The following PLAGL1 variants were observed in gnomAD, a reference collection of about 807,000 sequenced individuals.
PLAGL1 encodes PLAG1 like zinc finger 1, also known as zinc finger protein PLAGL1.
Under a neutral mutation model 4.6 loss-of-function variants are expected in PLAGL1, and 1 was observed. The observed-to-expected ratio is 0.22, with a 90% CI of 0.08 to 1.03. The LOEUF (loss-of-function observed/expected upper bound fraction) is 1.03. PLAGL1 is among the 50% of genes least tolerant of loss of function. The probability of loss-of-function intolerance (pLI) is 0.58; values close to 1 mark genes in which losing one functional copy is unlikely to be tolerated. For missense variants in PLAGL1, 464 were observed against 570.4 expected, an observed-to-expected ratio of 0.81 and a Z score of 1.90; for synonymous variants, 240 against 237.8, an observed-to-expected ratio of 1.01 and a Z score of -0.08.
chr6:143,959,429 A>C lies in PLAGL1; in HGVS notation c.-325+1040T>G. Among the ~76,000 whole-genome samples, 1 of 151,534 alleles carries C rather than the reference A, an allele frequency of 6.6e-6. No homozygotes were observed. On this transcript the variant is annotated intron_variant, in intron 6 of 7. Coordinates refer to ENST00000674357, the MANE Select transcript of PLAGL1 (RefSeq NM_001317162.2). The surrounding 1 kb of genome is among the most constrained non-coding windows in gnomAD (Gnocchi z 5.3). ...GAAGATACAGGCAAGACGCTCCCCC[A>C]CCCCACCCCAACTCCCAGCCCTAAC...
rs1184141917 is a variant in PLAGL1, at chr6:144,056,092, A to G, written c.-151+8376T>C. Reference sequence around the variant, plus strand: ...TCATCCCTTTCTCCATCCCACCCCCACCTCTGAAGAAATCTAGACCTCCAA... The same window carrying G: ...TCATCCCTTTCTCCATCCCACCCCCGCCTCTGAAGAAATCTAGACCTCCAA... On this transcript the variant is annotated intron_variant, in intron 1 of 3. Transcript: ENST00000437412. This position sits in a 1 kb window ranked among gnomAD's most constrained non-coding sequence, Gnocchi z 4.7. Among the ~76,000 whole-genome samples, 2 of 110,410 alleles carry G rather than the reference A, an allele frequency of 1.8e-5. No homozygotes were observed. Among genetic ancestry groups the G allele is most frequent in the African/African-American group, 7.0e-5 (2 of 28,582 alleles). The allele number at this position is 110,410 out of a possible 152,430, so 72.4% of individuals were successfully genotyped here.
At chr6:144,047,509 G>A (rs577408333) in intron 1 of PLAGL1, among the ~76,000 whole-genome samples, 3 of 152,270 alleles carry the variant, frequency 2.0e-5, no homozygotes, top group African/African-American at 4.8e-5. Flanking sequence ...GGAGGCCTCA[G>A]GAAACTTACA....
intron 1 of PLAGL1, among the ~76,000 whole-genome samples, chr6:144,024,177 A>G (rs377101210): frequency 1.3e-5 from 2 of 152,344 alleles, no homozygotes; most frequent in African/African-American, 2.4e-5. Context: ...TCTACTGAGA[A>G]GGCCTACATG....
rs150987412 is a variant in PLAGL1, at chr6:143,947,946, G to A, written c.152+39C>T. 31 of 1,576,452 alleles carry A rather than the reference G, an allele frequency of 2.0e-5. No individual in the cohort carries two copies. The highest frequency in any genetic ancestry group is 1.1e-4 in the African/African-American group (8 of 74,264). On this transcript the variant is annotated intron_variant, in intron 7 of 7. Coordinates refer to ENST00000674357, the MANE Select transcript of PLAGL1 (RefSeq NM_001317162.2). This position sits in a 1 kb window ranked among gnomAD's most constrained non-coding sequence, Gnocchi z 4.3. ...TGAGGGCTAGAAAAGCCATTTAAACGTACTTCTAAAAGTGCATACCTTTGC... is the reference window on the plus strand; with the variant it reads ...TGAGGGCTAGAAAAGCCATTTAAACATACTTCTAAAAGTGCATACCTTTGC...
rs1221868872 is a variant in PLAGL1, at chr6:144,063,742, C to T, written c.-151+726G>A. Among the ~76,000 whole-genome samples, 1 of 152,192 alleles carries T rather than the reference C, an allele frequency of 6.6e-6. No individual in the cohort carries two copies. The highest frequency in any genetic ancestry group is 2.4e-5 in the African/African-American group (1 of 41,448). On this transcript the variant is annotated intron_variant, in intron 1 of 3. Coordinates refer to the PLAGL1 transcript ENST00000437412. The surrounding 1 kb of genome is among the most constrained non-coding windows in gnomAD (Gnocchi z 5.7). ...ATCTCTGTCCTCGACACAGCAGGGGCCCTACAAACCCAACACGGCTGTGCA... is the reference window on the plus strand; with the variant it reads ...ATCTCTGTCCTCGACACAGCAGGGGTCCTACAAACCCAACACGGCTGTGCA...
rs951065026 is a variant in PLAGL1, at chr6:144,056,253, A to G, written c.-151+8215T>C. Among the ~76,000 whole-genome samples, 4 of 152,126 alleles carry G rather than the reference A, an allele frequency of 2.6e-5. No individual in the cohort carries two copies. The highest frequency in any genetic ancestry group is 5.9e-5 in the Non-Finnish European group (4 of 68,030). The stretch of plus-strand genomic sequence containing the variant: ...ACATCTTACATGTCCCATCCCCCAC[A>G]CACGCACAGCCTCCCCTATTACCGG... On this transcript the variant is annotated intron_variant, in intron 1 of 3. Transcript: ENST00000437412. The surrounding 1 kb of genome is among the most constrained non-coding windows in gnomAD (Gnocchi z 4.7).
At chr6:143,996,293 C>T (rs917651407) in intron 1 of PLAGL1, among the ~76,000 whole-genome samples, 1 of 152,168 alleles carries the variant, frequency 6.6e-6, no homozygotes, top group African/African-American at 2.4e-5. Flanking sequence ...TGTATGATTA[C>T]AAGCAAAAGT....
intron 1 of PLAGL1, among the ~76,000 whole-genome samples, chr6:144,032,847 T>G (rs1796931916): frequency 6.6e-6 from 1 of 152,178 alleles, no homozygotes; most frequent in Admixed American, 6.6e-5. Flanking sequence ...CCAGCCTACC[T>G]AGTTCAATTC....
chr6:144,032,177 G>A (rs1020771295), intron 1 of PLAGL1, among the ~76,000 whole-genome samples: 1 of 150,474 alleles, frequency 6.6e-6, no homozygotes, highest in African/African-American at 2.4e-5. Flanking sequence ...CTGGAGTGCA[G>A]TGACACAATC....
At chr6:144,030,146 TTGGGAAGCTGAGGCAGGAGAA>T (rs1796690817) in intron 1 of PLAGL1, among the ~76,000 whole-genome samples, 1 of 149,286 alleles carries the variant, frequency 6.7e-6, no homozygotes, top group African/African-American at 2.5e-5. Flanking sequence ...TCCCAGCTAT[TTGGGAAGCTGAGGCAGGAGAA>T]TGGCGTGAAC....
chr6:144,014,596 T>C (rs1387754927), intron 1 of PLAGL1, among the ~76,000 whole-genome samples: 13 of 152,122 alleles, frequency 8.5e-5, no homozygotes, highest in Admixed American at 8.5e-4. Context: ...TTTGTTTGTT[T>C]GGAGACACAG....
chr6:144,058,787 A>C (rs73594687), intron 1 of PLAGL1, among the ~76,000 whole-genome samples: 1 of 152,046 alleles, frequency 6.6e-6, no homozygotes, highest in Admixed American at 6.5e-5. Flanking sequence ...TCCAGGACAC[A>C]TGGGTACAAG....
At chr6:144,057,696 G>A (rs926827843) in intron 1 of PLAGL1, among the ~76,000 whole-genome samples, 2 of 151,838 alleles carry the variant, frequency 1.3e-5, no homozygotes, top group Admixed American at 6.6e-5. Flanking sequence ...CCCAGTCTAA[G>A]TAGCTGTGCC....
chr6:144,041,158 G>C (rs1797695239), intron 1 of PLAGL1, among the ~76,000 whole-genome samples: 1 of 152,044 alleles, frequency 6.6e-6, no homozygotes, highest in African/African-American at 2.4e-5. Flanking sequence ...TATTTATTGA[G>C]AGCTTGTGGC....
intron 1 of PLAGL1, among the ~76,000 whole-genome samples, chr6:144,002,950 T>C (rs1009781203): frequency 2.0e-5 from 3 of 151,364 alleles, no homozygotes; most frequent in Admixed American, 6.6e-5. Context: ...TGTAAAGCAC[T>C]TAAATAGTCA....
rs546479398 is a variant in PLAGL1 at position 144,048,462 on chromosome 6, A to C, written c.-151+16006T>G. 6.6e-6 allele frequency among the ~76,000 whole-genome samples: 1 copy of C among 152,310 alleles called. No individual in the cohort carries two copies. Among genetic ancestry groups the C allele is most frequent in the African/African-American group, 2.4e-5 (1 of 41,564 alleles). On this transcript the variant is annotated intron_variant, in intron 1 of 3. Transcript: ENST00000437412. This position sits in a 1 kb window ranked among gnomAD's most constrained non-coding sequence, Gnocchi z 4.8. ...TCTGCCTGGACATTCAGGCATTTCC[A>C]TACATCCTTTGAAGTCTAGGCAGAG...
chr6:143,987,076 C>T (rs1262904871), intron 1 of PLAGL1, among the ~76,000 whole-genome samples: 1 of 152,162 alleles, frequency 6.6e-6, no homozygotes, highest in Non-Finnish European at 1.5e-5. Flanking sequence ...ATATTAAAAA[C>T]ATTTTCAGTT....
rs1303280567 is a variant in PLAGL1, at chr6:143,957,316, G to A, written c.-325+3153C>T. 6.6e-6 allele frequency among the ~76,000 whole-genome samples: 1 copy of A among 152,116 alleles called. No individual in the cohort carries two copies. Among genetic ancestry groups the A allele is most frequent in the Non-Finnish European group, 1.5e-5 (1 of 68,020 alleles). On this transcript the variant is annotated intron_variant, in intron 6 of 7. Transcript: ENST00000674357. The surrounding 1 kb of genome is among the most constrained non-coding windows in gnomAD (Gnocchi z 4.2). ...GAGTCTGGTGGGGGGGTGAGGGGTG[G>A]AGAGCAACTCCCAAAATCCAGACAA...
Position 143,990,878 on chromosome 6 carries a change from A to G in PLAGL1, c.-583-5704T>C, listed in dbSNP as rs1477584216. Among the ~76,000 whole-genome samples, 1 of 152,216 alleles carries G rather than the reference A, an allele frequency of 6.6e-6. No homozygotes were observed. The highest frequency in any genetic ancestry group is 2.4e-5 in the African/African-American group (1 of 41,442). On this transcript the variant is annotated intron_variant, in intron 1 of 7. Transcript: ENST00000674357. This position sits in a 1 kb window ranked among gnomAD's most constrained non-coding sequence, Gnocchi z 5.4. ...TGTTTTTCATTATTTTTAATTGAGA[A>G]AAAGGACCTTGCTTTGCCTATGAAT...
Sources: gnomAD v4.1 joint callset for allele counts (sites outside exome capture counted in the v4.1 genomes callset) on GRCh38, gnomAD v4.1.1 for gene constraint, Gnocchi (gnomAD v3.1) non-coding constraint, MANE v1.5 for transcripts, NCBI Gene and HGNC (gene_info 2026-07-23, HGNC 2026-07-21) for gene names.